The following PDE4B variants were observed in gnomAD, a reference collection of about 807,000 sequenced individuals.
The protein encoded by PDE4B is phosphodiesterase 4B, also known as 3',5'-cyclic-AMP phosphodiesterase 4B.
A neutral mutation model predicts 82.2 loss-of-function variants in PDE4B; 20 were observed. The ratio of observed to expected loss-of-function variants is 0.24; its 90% CI spans 0.17 to 0.35. The LOEUF is 0.35. Among genes scored for constraint, PDE4B ranks in the 10% least tolerant of loss-of-function variants. The probability of loss-of-function intolerance (pLI) is 1.00; values close to 1 mark genes in which losing one functional copy is unlikely to be tolerated. For missense variants in PDE4B, 655 were observed against 907.2 expected (o/e 0.72, Z 3.57); for synonymous variants, 320 against 318.9 (o/e 1.00, Z -0.04).
At chr1:65,874,112 C>T (rs1000149129) in intron 1 of PDE4B, among the ~76,000 whole-genome samples, 2 of 151,786 alleles carry the variant, frequency 1.3e-5, no homozygotes, top group Admixed American at 1.3e-4. Context: ...GTTTGTAGTT[C>T]TCCTTGAAGA....
chr1:66,340,457 A>G (rs2101949368), intron 8 of PDE4B, among the ~76,000 whole-genome samples: 1 of 152,304 alleles, frequency 6.6e-6, no homozygotes, highest in African/African-American at 2.4e-5. Flanking sequence ...TCCTTCTGCT[A>G]ATTAATTGTA....
intron 7 of PDE4B, among the ~76,000 whole-genome samples, chr1:66,294,440 T>C (rs969171308): frequency 6.6e-6 from 1 of 152,136 alleles, no homozygotes; most frequent in African/African-American, 2.4e-5. Flanking sequence ...GGCCATCAAA[T>C]CTAATTAATT....
chr1:65,825,705 C>CTATCTATCTAT (rs1557766049), intron 1 of PDE4B, among the ~76,000 whole-genome samples: 164 of 107,448 alleles, frequency 1.5e-3, no homozygotes, highest in East Asian at 2.2e-3. Flanking sequence ...AACAAAATTA[C>CTATCTATCTAT]CTATCTATCT....
At position 66,279,612 on chromosome 1, in the gene PDE4B, C is replaced by CA. The variant is rs1220100085; in HGVS notation, c.634+13536dup. Among the ~76,000 whole-genome samples the CA allele has an allele frequency of 9.9e-4, 139 of 141,082 alleles. 1 individual carries two copies. The Middle Eastern group carries it at 0.011, about 11-fold the overall frequency. 92.6% of individuals were successfully genotyped at this position (141,082 alleles called of 152,430 possible). ...TGCACTCCAGAGCGAGACTCTGTCT[C>CA]AAAAAAAAAAAGTAAGATACATCAA... On this transcript the variant is annotated intron_variant, in intron 7 of 16. Coordinates refer to ENST00000341517, the MANE Select transcript of PDE4B (RefSeq NM_002600.4).
chr1:65,970,313 A>T (rs1018690330), intron 3 of PDE4B, among the ~76,000 whole-genome samples: 8 of 152,066 alleles, frequency 5.3e-5, no homozygotes, highest in Non-Finnish European at 1.2e-4. Context: ...AAAATGGGAA[A>T]TACATTTTGG....
intron 13 of PDE4B, among the ~76,000 whole-genome samples, chr1:66,366,834 A>G (rs1663285836): frequency 6.6e-6 from 1 of 152,154 alleles, no homozygotes; most frequent in Admixed American, 6.6e-5. Context: ...TGATCACAGG[A>G]TGAACAAAAC....
chr1:65,947,016 C>T (rs189331360), intron 3 of PDE4B, among the ~76,000 whole-genome samples: 317 of 152,134 alleles, frequency 2.1e-3, no homozygotes, highest in Middle Eastern at 6.8e-3. Context: ...TTGAATCTTC[C>T]TCTAGAACAC....
chr1:65,891,363 G>A (rs1387198588), intron 1 of PDE4B, among the ~76,000 whole-genome samples: 5 of 152,022 alleles, frequency 3.3e-5, no homozygotes, highest in South Asian at 2.1e-4. Flanking sequence ...AATTATCAGC[G>A]GTTGGAAGTA....
At chr1:65,984,251 C>T (rs1183322279) in intron 3 of PDE4B, among the ~76,000 whole-genome samples, 1 of 152,122 alleles carries the variant, frequency 6.6e-6, no homozygotes, top group African/African-American at 2.4e-5. Flanking sequence ...CTATATGATT[C>T]CATTTATATG....
At chr1:66,219,008 T>C (rs1650744879) in intron 3 of PDE4B, among the ~76,000 whole-genome samples, 1 of 152,180 alleles carries the variant, frequency 6.6e-6, no homozygotes, top group South Asian at 2.1e-4. Flanking sequence ...GCATCAGTGT[T>C]CCTGTCTTCT....
chr1:66,368,126 T>C, intron 15 of PDE4B, 61 bp downstream of exon 15: 1 of 1,558,396 alleles, frequency 6.4e-7, no homozygotes, highest in Non-Finnish European at 8.8e-7. Flanking sequence ...GAACAACAAT[T>C]AGAAAAAGAA....
intron 3 of PDE4B, among the ~76,000 whole-genome samples, chr1:66,101,436 A>G (rs1645221946): frequency 6.6e-6 from 1 of 152,194 alleles, no homozygotes; most frequent in South Asian, 2.1e-4. Flanking sequence ...GAACTAGTTT[A>G]CAGTCCCACA....
chr1:65,854,621 T>C (rs1217234746), intron 1 of PDE4B, among the ~76,000 whole-genome samples: 2 of 152,110 alleles, frequency 1.3e-5, no homozygotes, highest in Non-Finnish European at 2.9e-5. Context: ...TTTCTCTGGA[T>C]GCTTTTAAGT....
At chr1:65,816,675 T>C (rs1645889147) in intron 1 of PDE4B, among the ~76,000 whole-genome samples, 1 of 152,176 alleles carries the variant, frequency 6.6e-6, no homozygotes, top group South Asian at 2.1e-4. Context: ...AATATGGGGA[T>C]ATTATGCTAC....
Position 65,992,813 on chromosome 1 carries a change from T to C in PDE4B, c.281+73978T>C, listed in dbSNP as rs533826221. On this transcript the variant is annotated intron_variant, in intron 3 of 16. Coordinates refer to ENST00000341517, the MANE Select transcript of PDE4B (RefSeq NM_002600.4). ...CTTCGTAAATTAAACTGGAAATAGT[T>C]TGCAGACTTATCAGTCTTCTGACCT... is the stretch of plus-strand genomic sequence containing the variant. 6 of 1,479,952 alleles carry C rather than the reference T, an allele frequency of 4.1e-6. No individual in the cohort carries two copies. In the South Asian group the frequency reaches 7.2e-5, roughly 18 times the overall value. The allele number at this position is 1,479,952 out of a possible 1,614,324, so 91.7% of individuals were successfully genotyped here. A position where few individuals can be genotyped will look rare whatever the true frequency, so the allele number is the denominator to read the frequency against.
chr1:66,011,830 T>C (rs895286581), intron 3 of PDE4B, among the ~76,000 whole-genome samples: 11 of 152,076 alleles, frequency 7.2e-5, no homozygotes, highest in African/African-American at 2.7e-4. Context: ...GTCAGACAAT[T>C]AGGATATTTC....
chr1:66,228,128 A>T (rs1227105899), intron 3 of PDE4B, among the ~76,000 whole-genome samples: 1 of 152,132 alleles, frequency 6.6e-6, no homozygotes, highest in Non-Finnish European at 1.5e-5. Context: ...CTGACACCCA[A>T]ATATCCTAGA....
chr1:65,917,767 GA>G (rs996668709), intron 2 of PDE4B, among the ~76,000 whole-genome samples: 239 of 150,692 alleles, frequency 1.6e-3, no homozygotes, highest in African/African-American at 5.5e-3. Flanking sequence ...TACACAATTT[GA>G]AAAAAAAATC....
chr1:65,858,829 G>T (rs12129719), intron 1 of PDE4B, among the ~76,000 whole-genome samples: 1 of 151,806 alleles, frequency 6.6e-6, no homozygotes, highest in Non-Finnish European at 1.5e-5. Context: ...GACCATTCTG[G>T]TGGCCTTTGT....
Sources: allele counts gnomAD v4.1 joint callset (sites outside exome capture counted in the v4.1 genomes callset), GRCh38; gene constraint gnomAD v4.1.1; transcripts MANE v1.5; gene names NCBI Gene and HGNC (gene_info 2026-07-23, HGNC 2026-07-21).